NYAP2: variants seen among roughly 807,000 people sequenced by gnomAD.
NYAP2 encodes the protein neuronal tyrosine-phosphorylated phosphoinositide-3-kinase adapter 2.
In NYAP2, 23 loss-of-function variants were observed where a neutral mutation model predicts 50.4. That is an observed-to-expected ratio of 0.46 (90% CI 0.33 to 0.65). The LOEUF (loss-of-function observed/expected upper bound fraction) is 0.65. Among genes scored for constraint, NYAP2 ranks in the 30% least tolerant of loss-of-function variants. The probability of loss-of-function intolerance (pLI) is 0.02; values close to 1 mark genes in which losing one functional copy is unlikely to be tolerated. For missense variants in NYAP2, 885 were observed against 861.0 expected (o/e 1.03, Z -0.35); for synonymous variants, 394 against 365.2 (o/e 1.08, Z -0.90).
chr2:225,609,040 C>T (rs1283778531), intron 5 of NYAP2, among the ~76,000 whole-genome samples: 3 of 152,058 alleles, frequency 2.0e-5, no homozygotes, highest in Non-Finnish European at 4.4e-5. Flanking sequence ...CCCTATAGAT[C>T]GCTGCCTTTA....
chr2:225,620,122 CTA>C (rs1693064234), intron 5 of NYAP2, among the ~76,000 whole-genome samples: 1 of 152,152 alleles, frequency 6.6e-6, no homozygotes, highest in African/African-American at 2.4e-5. Context: ...GTTTATGTTA[CTA>C]AAATCAATTT....
At chr2:225,478,628 A>G (rs1484863214) in intron 3 of NYAP2, among the ~76,000 whole-genome samples, 7 of 152,088 alleles carry the variant, frequency 4.6e-5, no homozygotes, top group African/African-American at 1.7e-4. Context: ...TATTGTTTTT[A>G]TTCTTGGCAA....
At chr2:225,418,042 G>A (rs188902792) in intron 3 of NYAP2, among the ~76,000 whole-genome samples, 1 of 152,114 alleles carries the variant, frequency 6.6e-6, no homozygotes, top group Non-Finnish European at 1.5e-5. Context: ...AGGGTCAGGG[G>A]TATGGGGAGA....
chr2:225,505,570 A>T (rs940180580), intron 3 of NYAP2, among the ~76,000 whole-genome samples: 21 of 152,216 alleles, frequency 1.4e-4, no homozygotes, highest in African/African-American at 4.8e-4. Context: ...GATTTCTTCA[A>T]ATAATAAAGC....
chr2:225,564,607 C>A (rs965759256), intron 4 of NYAP2, among the ~76,000 whole-genome samples: 2 of 151,702 alleles, frequency 1.3e-5, no homozygotes, highest in African/African-American at 4.8e-5. Context: ...CTTTTCCCAC[C>A]TAACTCTTCA....
intron 2 of NYAP2, among the ~76,000 whole-genome samples, chr2:225,405,011 C>T (rs540758380): frequency 6.6e-6 from 1 of 152,038 alleles, no homozygotes; most frequent in South Asian, 2.1e-4. Flanking sequence ...CTTGTATCAA[C>T]ATTGTGCATT....
At chr2:225,555,977 A>G (rs1691770105) in intron 4 of NYAP2, among the ~76,000 whole-genome samples, 1 of 152,154 alleles carries the variant, frequency 6.6e-6, no homozygotes, top group Non-Finnish European at 1.5e-5. Context: ...TGTTTCTATA[A>G]GCAGTCATTA....
intron 4 of NYAP2, among the ~76,000 whole-genome samples, chr2:225,523,732 A>G (rs1691106243): frequency 6.6e-6 from 1 of 152,070 alleles, no homozygotes; most frequent in African/African-American, 2.4e-5. Flanking sequence ...ACATGAAACC[A>G]AAAAAACAAG....
chr2:225,431,063 T>C (rs1157623043), intron 3 of NYAP2, among the ~76,000 whole-genome samples: 1 of 152,232 alleles, frequency 6.6e-6, no homozygotes, highest in Admixed American at 6.5e-5. Flanking sequence ...ATCATTTAGA[T>C]TGGTTTGACT....
chr2:225,606,713 A>C (rs1692793488), intron 5 of NYAP2, among the ~76,000 whole-genome samples: 1 of 152,126 alleles, frequency 6.6e-6, no homozygotes, highest in African/African-American at 2.4e-5. Context: ...CATCCAATAG[A>C]TAATTGGTCT....
At chr2:225,520,957 G>A (rs1013635013) in intron 4 of NYAP2, among the ~76,000 whole-genome samples, 4 of 150,746 alleles carry the variant, frequency 2.7e-5, no homozygotes, top group Non-Finnish European at 5.9e-5. Context: ...ATTGAGCAGT[G>A]GTTTGTAGTT....
intron 3 of NYAP2, among the ~76,000 whole-genome samples, chr2:225,477,231 CTTTTTTT>C (rs11378712): frequency 3.3e-4 from 29 of 87,472 alleles, no homozygotes; most frequent in Admixed American, 6.8e-4. Flanking sequence ...GTCTCTATTT[CTTTTTTT>C]TTTTTTTTTT....
intron 3 of NYAP2, among the ~76,000 whole-genome samples, chr2:225,470,361 AAGT>A (rs1386891065): frequency 6.6e-6 from 1 of 152,198 alleles, no homozygotes; most frequent in African/African-American, 2.4e-5. Context: ...GTAGAAATAA[AAGT>A]AAAATACCGT....
At chr2:225,547,374 C>A (rs557283948) in intron 4 of NYAP2, among the ~76,000 whole-genome samples, 439 of 152,302 alleles carry the variant, frequency 2.9e-3, no homozygotes, top group Non-Finnish European at 3.9e-3. Flanking sequence ...GAGCCCAGGA[C>A]AGCACTAACA....
chr2:225,588,907 G>A (rs1005560522), intron 5 of NYAP2, among the ~76,000 whole-genome samples: 1 of 152,180 alleles, frequency 6.6e-6, no homozygotes, highest in Non-Finnish European at 1.5e-5. Context: ...GGGTCTATTT[G>A]AGATTGTAGA....
intron 4 of NYAP2, among the ~76,000 whole-genome samples, chr2:225,530,732 CA>C: frequency 6.6e-6 from 1 of 152,200 alleles, no homozygotes; most frequent in Non-Finnish European, 1.5e-5. Flanking sequence ...GTAGATATCA[CA>C]GAGAGCCTTC....
chr2:225,632,073 G>A (rs531069284), intron 6 of NYAP2, among the ~76,000 whole-genome samples: 76 of 152,154 alleles, frequency 5.0e-4, no homozygotes, highest in African/African-American at 1.7e-3. Context: ...CTGCCTAAGC[G>A]GCCTCCTGAA....
chr2:225,421,201 C>T (rs897394516), intron 3 of NYAP2, among the ~76,000 whole-genome samples: 8 of 152,180 alleles, frequency 5.3e-5, no homozygotes, highest in African/African-American at 1.7e-4. Context: ...TGAGTCACCA[C>T]ACCTAGTGAG....
At chr2:225,531,170 C>A (rs1465646378) in intron 4 of NYAP2, among the ~76,000 whole-genome samples, 1 of 152,188 alleles carries the variant, frequency 6.6e-6, no homozygotes, top group Non-Finnish European at 1.5e-5. Flanking sequence ...TTCATCTGCT[C>A]CTGCCTGCAG....
Sources: allele counts gnomAD v4.1 joint callset (sites outside exome capture counted in the v4.1 genomes callset), GRCh38; gene constraint gnomAD v4.1.1; transcripts MANE v1.5; gene names NCBI Gene and HGNC (gene_info 2026-07-23, HGNC 2026-07-21).